The following ULK4 variants were observed in gnomAD, a reference collection of about 807,000 sequenced individuals.
The protein encoded by ULK4 is unc-51 like kinase 4.
In ULK4, 133 loss-of-function variants were observed where a neutral mutation model predicts 160.6. That is an observed-to-expected ratio of 0.83 (90% confidence interval 0.72 to 0.96). ULK4 has a LOEUF of 0.96. ULK4 is among the 40% of genes least tolerant of loss of function. ULK4 has a pLI of 0.00. For missense variants in ULK4, 1,580 were observed against 1,499.5 expected (o/e 1.05, Z -0.89); for synonymous variants, 534 against 539.8 (o/e 0.99, Z 0.15).
chr3:41,253,613 A>G (rs1175346627), intron 35 of ULK4, among the ~76,000 whole-genome samples: 4 of 152,144 alleles, frequency 2.6e-5, no homozygotes. Flanking sequence ...GTGAGGAAAT[A>G]AAAACACTGA....
chr3:41,375,022 T>G (rs1386887805), intron 35 of ULK4, among the ~76,000 whole-genome samples: 1 of 152,072 alleles, frequency 6.6e-6, no homozygotes, highest in Non-Finnish European at 1.5e-5. Flanking sequence ...ATGAGCATAC[T>G]CCCATTCACA....
At chr3:41,556,508 G>A (rs1454825944) in intron 32 of ULK4, among the ~76,000 whole-genome samples, 1 of 20,316 alleles carries the variant, frequency 4.9e-5, no homozygotes, top group Non-Finnish European at 1.1e-4. Context: ...TTTTTTTTTT[G>A]ACAGAGTCTC....
At chr3:41,708,341 GAATT>G (rs2036977877) in intron 25 of ULK4, among the ~76,000 whole-genome samples, 1 of 152,134 alleles carries the variant, frequency 6.6e-6, no homozygotes, top group African/African-American at 2.4e-5. Flanking sequence ...ATACACGATG[GAATT>G]GTTTTAAAAA....
In ULK4 at chr3:41,295,526, GC is replaced by G. The variant is rs1375578255; in HGVS notation, c.3679-45953del. 2.3e-5 allele frequency among the ~76,000 whole-genome samples: 3 copies of G among 131,864 alleles called. 1 individual carries two copies. In the East Asian group the frequency reaches 5.9e-4, roughly 26 times the overall value. 86.5% of individuals were successfully genotyped at this position (131,864 alleles called of 152,430 possible). ...TGCCACAGACTGGGAGAAAATATTT[GC>G]AAAAGACACATCTGATAGACTGTTA... On this transcript the variant is annotated intron_variant, in intron 35 of 36. Transcript: ENST00000301831.
intron 32 of ULK4, among the ~76,000 whole-genome samples, chr3:41,475,445 A>G (rs2084111414): frequency 6.6e-6 from 1 of 152,180 alleles, no homozygotes; most frequent in African/African-American, 2.4e-5. Flanking sequence ...GAATATAGTA[A>G]TAATGTATAC....
chr3:41,561,716 A>G (rs1397882142), intron 32 of ULK4, among the ~76,000 whole-genome samples: 1 of 152,042 alleles, frequency 6.6e-6, no homozygotes, highest in African/African-American at 2.4e-5. Flanking sequence ...TATCCTCTTT[A>G]TCATTTTTTA....
intron 15 of ULK4, among the ~76,000 whole-genome samples, chr3:41,896,147 A>T (rs1379992732): frequency 6.6e-6 from 1 of 152,238 alleles, no homozygotes. Flanking sequence ...CCTGCAGTTT[A>T]CCAGATGACC....
chr3:41,565,880 C>A, intron 32 of ULK4, 145 bp downstream of exon 32: 1 of 600,652 alleles, frequency 1.7e-6, no homozygotes, highest in Non-Finnish European at 2.9e-6. Context: ...TCCCACAATT[C>A]CAAATTTTGC....
intron 31 of ULK4, among the ~76,000 whole-genome samples, chr3:41,608,522 T>C (rs1446369809): frequency 6.6e-6 from 1 of 152,192 alleles, no homozygotes; most frequent in African/African-American, 2.4e-5. Context: ...TAATCACTGA[T>C]TTCACAGTAG....
At chr3:41,262,313 G>C (rs993037536) in intron 35 of ULK4, among the ~76,000 whole-genome samples, 2 of 152,228 alleles carry the variant, frequency 1.3e-5, no homozygotes, top group African/African-American at 4.8e-5. Context: ...AGCTTGGCCT[G>C]TATTTAAGAC....
intron 32 of ULK4, among the ~76,000 whole-genome samples, chr3:41,517,372 A>G (rs1218517810): frequency 6.6e-6 from 1 of 152,172 alleles, no homozygotes; most frequent in Non-Finnish European, 1.5e-5. Flanking sequence ...TTCTGCCCTC[A>G]TGAATAGGAT....
intron 29 of ULK4, among the ~76,000 whole-genome samples, chr3:41,672,297 C>T (rs910375677): frequency 3.3e-5 from 5 of 152,052 alleles, no homozygotes; most frequent in Non-Finnish European, 7.4e-5. Flanking sequence ...TTCACAATAG[C>T]AAAGATCAGG....
intron 12 of ULK4, among the ~76,000 whole-genome samples, chr3:41,901,322 G>A (rs555416707): frequency 2.0e-5 from 3 of 150,894 alleles, no homozygotes; most frequent in Non-Finnish European, 4.4e-5. Context: ...TGGGACTACA[G>A]GCGCCTGCCA....
intron 35 of ULK4, among the ~76,000 whole-genome samples, chr3:41,385,060 A>T (rs1251490952): frequency 6.6e-6 from 1 of 150,584 alleles, no homozygotes; most frequent in African/African-American, 2.4e-5. Flanking sequence ...TCAAAAAATA[A>T]AAAAAAAAGT....
chr3:41,599,930 ATTAG>A (rs1301558941), intron 31 of ULK4, among the ~76,000 whole-genome samples: 4 of 152,246 alleles, frequency 2.6e-5, no homozygotes, highest in African/African-American at 9.6e-5. Context: ...ACTAAAAAAT[ATTAG>A]TTACTGAATA....
intron 32 of ULK4, among the ~76,000 whole-genome samples, chr3:41,516,262 G>A (rs772899930): frequency 6.6e-6 from 1 of 152,086 alleles, no homozygotes; most frequent in Non-Finnish European, 1.5e-5. Flanking sequence ...TGTAACTGGT[G>A]TACAGATTTG....
intron 31 of ULK4, among the ~76,000 whole-genome samples, chr3:41,615,222 C>G (rs2032903881): frequency 6.6e-6 from 1 of 152,116 alleles, no homozygotes; most frequent in African/African-American, 2.4e-5. Flanking sequence ...CTAAGCTATT[C>G]TAGGTTCTGA....
chr3:41,516,443 T>C lies in ULK4; in HGVS notation c.3226+49582A>G, dbSNP rs139130875. ...GCTAGGATAAAATATTTGCAAAACATATCTGATAAAGGACTTGTATCCACT... is the reference window on the plus strand; with the variant it reads ...GCTAGGATAAAATATTTGCAAAACACATCTGATAAAGGACTTGTATCCACT... On this transcript the variant is annotated intron_variant, in intron 32 of 36. Coordinates refer to ENST00000301831, the MANE Select transcript of ULK4 (RefSeq NM_017886.4). 4.7e-3 allele frequency among the ~76,000 whole-genome samples: 712 copies of C among 152,166 alleles called. 9 individuals are homozygous for C. The highest frequency in any genetic ancestry group is 0.016 in the African/African-American group (683 of 41,516).
At chr3:41,648,118 G>T (rs968276050) in intron 30 of ULK4, among the ~76,000 whole-genome samples, 1 of 152,198 alleles carries the variant, frequency 6.6e-6, no homozygotes, top group Non-Finnish European at 1.5e-5. Context: ...CTTTGACTAG[G>T]AGAGGGAACT....
Sources: allele counts gnomAD v4.1 joint callset (sites outside exome capture counted in the v4.1 genomes callset), GRCh38; gene constraint gnomAD v4.1.1; transcripts MANE v1.5; gene names NCBI Gene and HGNC (gene_info 2026-07-23, HGNC 2026-07-21).